Variants in PPARGC1A observed in about 807,000 individuals in gnomAD.
PPARGC1A encodes the protein peroxisome proliferator-activated receptor gamma coactivator 1-alpha.
A neutral mutation model predicts 88.7 loss-of-function variants in PPARGC1A; 25 were observed. The observed-to-expected ratio is 0.28, with a 90% CI of 0.21 to 0.39. The LOEUF (loss-of-function observed/expected upper bound fraction) is 0.39, where lower values mean the gene tolerates loss of function less well. Among genes scored for constraint, PPARGC1A ranks in the 10% least tolerant of loss-of-function variants. The pLI, the probability that PPARGC1A is intolerant of heterozygous loss-of-function variation, is 1.00. For missense variants in PPARGC1A, 880 were observed against 968.7 expected (o/e 0.91, Z 1.22); for synonymous variants, 363 against 355.6 (o/e 1.02, Z -0.24).
chr4:24,214,945 G>A, the PPARGC1A span, among the ~76,000 whole-genome samples: 1 of 152,208 alleles, frequency 6.6e-6, no homozygotes, highest in African/African-American at 2.4e-5. Flanking sequence ...GTTGCCTTGT[G>A]CTGCTCATTG....
chr4:23,977,042 AGAAGAG>A, the PPARGC1A span, among the ~76,000 whole-genome samples: 21 of 152,136 alleles, frequency 1.4e-4, 1 homozygote, highest in South Asian at 3.7e-3. Context: ...AACAAGAAGG[AGAAGAG>A]GAAGAGGAAG....
chr4:24,224,053 C>T, the PPARGC1A span, among the ~76,000 whole-genome samples: 1 of 152,290 alleles, frequency 6.6e-6, no homozygotes, highest in African/African-American at 2.4e-5. Flanking sequence ...TATCACCAAC[C>T]TACATTCCAG....
At chr4:24,442,623 A>G in the PPARGC1A span, among the ~76,000 whole-genome samples, 1 of 152,216 alleles carries the variant, frequency 6.6e-6, no homozygotes, top group Non-Finnish European at 1.5e-5. Context: ...TCCTGATAGT[A>G]ATCTGTTTTT....
the PPARGC1A span, among the ~76,000 whole-genome samples, chr4:23,967,703 CCTTT>C: frequency 7.2e-5 from 11 of 151,938 alleles, no homozygotes; most frequent in African/African-American, 2.4e-4. Context: ...TTTTTCTTTT[CCTTT>C]CTTTCTTCTC....
At chr4:24,072,974 G>T in the PPARGC1A span, among the ~76,000 whole-genome samples, 142 of 152,202 alleles carry the variant, frequency 9.3e-4, no homozygotes, top group African/African-American at 3.2e-3. Flanking sequence ...AGAGAAACTT[G>T]ATTCTTAATG....
At chr4:24,446,620 G>A in the PPARGC1A span, among the ~76,000 whole-genome samples, 10 of 140,156 alleles carry the variant, frequency 7.1e-5, no homozygotes, top group East Asian at 2.2e-3. Context: ...TTTTCTTGAT[G>A]GAGTCTTGCT....
the PPARGC1A span, among the ~76,000 whole-genome samples, chr4:24,417,493 A>C: frequency 6.6e-6 from 1 of 152,116 alleles, no homozygotes; most frequent in Non-Finnish European, 1.5e-5. Context: ...AAATTTCACA[A>C]CCTCTCTGGG....
At position 23,812,660 on chromosome 4, in the gene PPARGC1A, G is replaced by C. The variant is rs923205844; in HGVS notation, c.2019+87C>G. The C allele has an allele frequency of 2.7e-5, 42 of 1,581,826 alleles. No homozygotes were observed. In the African/African-American group the frequency reaches 5.5e-4, roughly 21 times the overall value. ...CTGTTCTAACAAAGACTTAGCTTTT[G>C]TTTATTTTCTAATCTATCACCAAAA... is the stretch of plus-strand genomic sequence containing the variant. On this transcript the variant is annotated intron_variant, in intron 10 of 12. Coordinates refer to ENST00000264867, the MANE Select transcript of PPARGC1A (RefSeq NM_013261.5).
chr4:24,019,580 A>G, the PPARGC1A span, among the ~76,000 whole-genome samples: 1 of 152,196 alleles, frequency 6.6e-6, no homozygotes, highest in African/African-American at 2.4e-5. Context: ...AAAGTCCACT[A>G]ACTCCGTGTA....
chr4:23,847,364 T>TCTTCTTTCCTGAGTCACAGTTTC (rs1488075184), intron 2 of PPARGC1A, among the ~76,000 whole-genome samples: 2 of 151,966 alleles, frequency 1.3e-5, no homozygotes, highest in Non-Finnish European at 2.9e-5. Flanking sequence ...ACCGAAGGAG[T>TCTTCTTTCCTGAGTCACAGTTTC]CTTCTTTCCT....
the PPARGC1A span, among the ~76,000 whole-genome samples, chr4:24,332,981 C>T: frequency 6.6e-6 from 1 of 152,220 alleles, no homozygotes; most frequent in Non-Finnish European, 1.5e-5. Context: ...GTGGCTCACA[C>T]CTGTAATCCC....
At chr4:24,374,288 AC>A in the PPARGC1A span, among the ~76,000 whole-genome samples, 3 of 152,140 alleles carry the variant, frequency 2.0e-5, no homozygotes, top group African/African-American at 7.2e-5. Flanking sequence ...AAGTTAACGA[AC>A]AGTCCTACCC....
At chr4:24,325,143 AC>A in the PPARGC1A span, among the ~76,000 whole-genome samples, 1 of 152,040 alleles carries the variant, frequency 6.6e-6, no homozygotes, top group Non-Finnish European at 1.5e-5. Context: ...AAATATAAAA[AC>A]CCAGCCCAGT....
At chr4:24,034,118 C>G in the PPARGC1A span, among the ~76,000 whole-genome samples, 1 of 152,110 alleles carries the variant, frequency 6.6e-6, no homozygotes. Context: ...ACAAAGAAGC[C>G]TCATTATTTC....
chr4:24,385,827 G>A, the PPARGC1A span, among the ~76,000 whole-genome samples: 1 of 152,108 alleles, frequency 6.6e-6, no homozygotes, highest in African/African-American at 2.4e-5. Context: ...AGAGGAGCTG[G>A]TACCATTACT....
the PPARGC1A span, among the ~76,000 whole-genome samples, chr4:24,106,626 C>T: frequency 6.6e-6 from 1 of 152,206 alleles, no homozygotes; most frequent in Non-Finnish European, 1.5e-5. Flanking sequence ...TTTCCTTTGC[C>T]ATGTGACTCT....
At chr4:23,833,107 T>G (rs1467249149) in intron 2 of PPARGC1A, among the ~76,000 whole-genome samples, 2 of 152,190 alleles carry the variant, frequency 1.3e-5, no homozygotes, top group African/African-American at 4.8e-5. Context: ...GTCCCTCTAA[T>G]AACACTACTG....
intron 2 of PPARGC1A, among the ~76,000 whole-genome samples, chr4:23,873,686 C>T (rs1480585492): frequency 6.6e-6 from 1 of 152,086 alleles, no homozygotes; most frequent in Non-Finnish European, 1.5e-5. Context: ...TCCTAATGCT[C>T]TAGTAATACA....
chr4:24,150,725 G>T, the PPARGC1A span, among the ~76,000 whole-genome samples: 1 of 152,108 alleles, frequency 6.6e-6, no homozygotes, highest in Non-Finnish European at 1.5e-5. Flanking sequence ...GGCAGATGAG[G>T]ACTCTGGTGC....
Sources: allele counts gnomAD v4.1 joint callset (sites outside exome capture counted in the v4.1 genomes callset), GRCh38; gene constraint gnomAD v4.1.1; transcripts MANE v1.5; gene names NCBI Gene and HGNC (gene_info 2026-07-23, HGNC 2026-07-21).